KLF8: variants seen among roughly 807,000 people sequenced by gnomAD.
The protein encoded by KLF8 is Krueppel-like factor 8.
A neutral mutation model predicts 18.2 loss-of-function variants in KLF8; 10 were observed. The ratio of observed to expected loss-of-function variants is 0.55; its 90% CI spans 0.34 to 0.93. KLF8 has a LOEUF of 0.93. KLF8 is among the 40% of genes least tolerant of loss of function. The probability of loss-of-function intolerance (pLI) is 0.02; values close to 1 mark genes in which losing one functional copy is unlikely to be tolerated. For synonymous variants in KLF8, 109 were observed against 97.3 expected (o/e 1.12, Z -0.71); for missense variants, 264 against 277.9 (o/e 0.95, Z 0.36).
At chrX:56,026,145 T>A in the KLF8 span, among the ~76,000 whole-genome samples, 16 of 112,143 alleles carry the variant, frequency 1.4e-4, no homozygotes, top group Admixed American at 6.6e-4. Context: ...GGCTTTATGC[T>A]GCTGTGTGAT....
At chrX:56,282,256 C>A (rs761765520) in intron 5 of KLF8, among the ~76,000 whole-genome samples, 1 of 112,275 alleles carries the variant, frequency 8.9e-6, no homozygotes, top group Non-Finnish European at 1.9e-5. Context: ...AGGACAGGCA[C>A]AAGATTTAGA....
chrX:56,096,511 T>C, the KLF8 span, among the ~76,000 whole-genome samples: 1 of 111,515 alleles, frequency 9.0e-6, no homozygotes, highest in African/African-American at 3.3e-5. Flanking sequence ...AAAATACAAA[T>C]TATCAAAATT....
At chrX:55,989,599 G>T in the KLF8 span, among the ~76,000 whole-genome samples, 1 of 112,078 alleles carries the variant, frequency 8.9e-6, no homozygotes, top group African/African-American at 3.2e-5. Context: ...GCTGCATTCG[G>T]TTTGTCAGTA....
At chrX:56,156,426 C>T in the KLF8 span, among the ~76,000 whole-genome samples, 165 of 110,005 alleles carry the variant, frequency 1.5e-3, no homozygotes, top group African/African-American at 4.9e-3. Flanking sequence ...TATGTTGTTC[C>T]CTTCTGTTTG....
the KLF8 span, among the ~76,000 whole-genome samples, chrX:56,190,871 A>G: frequency 1.3e-4 from 14 of 111,711 alleles, no homozygotes; most frequent in East Asian, 3.9e-3. Flanking sequence ...AGACAAGGTA[A>G]GCTTTAAATA....
At chrX:55,993,880 A>G in the KLF8 span, among the ~76,000 whole-genome samples, 2 of 101,806 alleles carry the variant, frequency 2.0e-5, no homozygotes, top group Non-Finnish European at 4.0e-5. Flanking sequence ...TACCCATTTC[A>G]TCTACATTTT....
chrX:56,136,842 C>T, the KLF8 span, among the ~76,000 whole-genome samples: 3 of 110,193 alleles, frequency 2.7e-5, no homozygotes, highest in East Asian at 2.9e-4. Flanking sequence ...AGAAAATTTT[C>T]GCAACCTACT....
chrX:55,970,684 A>G, the KLF8 span, among the ~76,000 whole-genome samples: 15 of 111,609 alleles, frequency 1.3e-4, no homozygotes, highest in African/African-American at 4.9e-4. Context: ...ACCACGAAAA[A>G]ACTATTACAA....
At chrX:55,965,705 A>G in the KLF8 span, among the ~76,000 whole-genome samples, 1 of 112,464 alleles carries the variant, frequency 8.9e-6, no homozygotes, top group Non-Finnish European at 1.9e-5. Flanking sequence ...TACAAAATCA[A>G]TGTACAAAAA....
At chrX:55,974,896 G>A in the KLF8 span, among the ~76,000 whole-genome samples, 1 of 112,113 alleles carries the variant, frequency 8.9e-6, no homozygotes, top group Non-Finnish European at 1.9e-5. Flanking sequence ...GAATATCATT[G>A]CAAGTTTTTG....
At chrX:56,057,568 G>C in the KLF8 span, among the ~76,000 whole-genome samples, 1 of 111,491 alleles carries the variant, frequency 9.0e-6, no homozygotes, top group Admixed American at 9.5e-5. Flanking sequence ...GGTCAGAAAC[G>C]TTTCACCAGC....
the KLF8 span, among the ~76,000 whole-genome samples, chrX:55,926,383 G>C: frequency 9.1e-6 from 1 of 110,280 alleles, no homozygotes; most frequent in African/African-American, 3.3e-5. Flanking sequence ...TGTATTTACA[G>C]ATAGGAATTG....
At chrX:56,183,055 C>T in the KLF8 span, among the ~76,000 whole-genome samples, 1 of 112,468 alleles carries the variant, frequency 8.9e-6, no homozygotes, top group Non-Finnish European at 1.9e-5. Flanking sequence ...TCCGCTATGC[C>T]CTGCCCCCAG....
At chrX:55,918,007 A>G in the KLF8 span, among the ~76,000 whole-genome samples, 1 of 111,982 alleles carries the variant, frequency 8.9e-6, no homozygotes, top group Non-Finnish European at 1.9e-5. Flanking sequence ...TAGGAAGGGG[A>G]CAGTCTCAAA....
the KLF8 span, among the ~76,000 whole-genome samples, chrX:56,074,088 T>A: frequency 8.9e-6 from 1 of 111,835 alleles, no homozygotes; most frequent in Non-Finnish European, 1.9e-5. Context: ...TGGCCATTTT[T>A]ATTTCTTCTT....
At chrX:56,015,086 A>T in the KLF8 span, 3 of 110,524 alleles carry the variant, frequency 2.7e-5, no homozygotes, top group African/African-American at 9.9e-5. Flanking sequence ...GCAGCAAACC[A>T]CCATGGCACA....
At chrX:55,958,795 T>C in the KLF8 span, among the ~76,000 whole-genome samples, 4 of 112,086 alleles carry the variant, frequency 3.6e-5, no homozygotes, top group African/African-American at 9.7e-5. Context: ...TCTAAGAAAA[T>C]ATAATTAAAT....
the KLF8 span, among the ~76,000 whole-genome samples, chrX:55,990,887 G>A: frequency 2.7e-5 from 3 of 111,389 alleles, no homozygotes; most frequent in South Asian, 3.8e-4. Context: ...GTACCCAGCC[G>A]TATGAGGTGT....
chrX:55,916,786 T>G, the KLF8 span, among the ~76,000 whole-genome samples: 2 of 112,340 alleles, frequency 1.8e-5, no homozygotes, highest in Non-Finnish European at 3.8e-5. Context: ...CCAAGGTTTA[T>G]GCTTCCCTGC....
Sources: allele counts gnomAD v4.1 joint callset (sites outside exome capture counted in the v4.1 genomes callset), GRCh38; gene constraint gnomAD v4.1.1; transcripts MANE v1.5; gene names NCBI Gene and HGNC (gene_info 2026-07-23, HGNC 2026-07-21).